Variants in HPSE2 observed in about 807,000 individuals in gnomAD.
HPSE2 encodes heparanase 2 (inactive).
HPSE2 carries 38 observed loss-of-function variants against 60.5 expected under a neutral mutation model. That is an observed-to-expected ratio of 0.63 (90% CI 0.48 to 0.82). The LOEUF is 0.82. HPSE2 is among the 40% of genes least tolerant of loss of function. The pLI, the probability that HPSE2 is intolerant of heterozygous loss-of-function variation, is 0.00. For synonymous variants in HPSE2, 295 were observed against 293.2 expected (o/e 1.01, Z -0.06); for missense variants, 713 against 740.4 (o/e 0.96, Z 0.43).
intron 3 of HPSE2, among the ~76,000 whole-genome samples, chr10:98,834,138 G>A (rs1013208029): frequency 2.0e-5 from 3 of 152,088 alleles, no homozygotes; most frequent in African/African-American, 7.2e-5. Context: ...ATGCCAAATT[G>A]TGAAGAAATG....
intron 3 of HPSE2, among the ~76,000 whole-genome samples, chr10:98,840,550 A>G (rs1025720323): frequency 6.6e-6 from 1 of 152,194 alleles, no homozygotes; most frequent in Non-Finnish European, 1.5e-5. Flanking sequence ...ACAGCAGGGA[A>G]GCGGGAAAAG....
intron 9 of HPSE2, among the ~76,000 whole-genome samples, chr10:98,573,902 A>G (rs1007316654): frequency 3.3e-5 from 5 of 152,104 alleles, no homozygotes; most frequent in African/African-American, 9.7e-5. Flanking sequence ...TATAATTCAC[A>G]TTCCATGTAA....
At chr10:98,618,196 G>C (rs755740291) in intron 8 of HPSE2, among the ~76,000 whole-genome samples, 16 of 152,140 alleles carry the variant, frequency 1.1e-4, no homozygotes, top group Non-Finnish European at 1.8e-4. Context: ...CATCAGATCT[G>C]TGTCAACTAA....
chr10:98,697,518 A>G (rs10883165), intron 5 of HPSE2, among the ~76,000 whole-genome samples: 89,649 of 151,710 alleles, frequency 0.59, 27,000 homozygotes, highest in South Asian at 0.78. Flanking sequence ...TAAAAAGACC[A>G]AACATATGAC....
the HPSE2 span, among the ~76,000 whole-genome samples, chr10:99,305,961 A>ATAAGCGCGCG: frequency 1.3e-4 from 13 of 103,062 alleles, 1 homozygote; most frequent in East Asian, 6.1e-4. Context: ...ACTCACACAC[A>ATAAGCGCGCG]CGCGCGCGCG....
intron 5 of HPSE2, among the ~76,000 whole-genome samples, chr10:98,701,788 G>C (rs980387757): frequency 6.6e-6 from 1 of 151,932 alleles, no homozygotes; most frequent in Non-Finnish European, 1.5e-5. Context: ...AGCCTGCCTT[G>C]CAAGAGCTCC....
chr10:99,100,421 G>A (rs1381662869), intron 3 of HPSE2, among the ~76,000 whole-genome samples: 1 of 152,152 alleles, frequency 6.6e-6, no homozygotes, highest in Non-Finnish European at 1.5e-5. Context: ...ATGAAATGAA[G>A]TGAGAAGAGA....
At chr10:98,695,922 G>A (rs1948200028) in intron 5 of HPSE2, among the ~76,000 whole-genome samples, 2 of 152,050 alleles carry the variant, frequency 1.3e-5, no homozygotes, top group Admixed American at 1.3e-4. Context: ...CACACAACCA[G>A]CTCTTAAATG....
chr10:98,877,285 T>A lies in HPSE2; in HGVS notation c.611-133229A>T, dbSNP rs189428361. Among the ~76,000 whole-genome samples the A allele has an allele frequency of 6.6e-5, 10 of 151,998 alleles. No homozygotes were observed. In the East Asian group the frequency reaches 1.9e-3, roughly 29 times the overall value. ...AATATATGCTTCCTATCACCATGAC[T>A]TTTATTTTAAATTTCTATTTTAATA... On this transcript the variant is annotated intron_variant, in intron 3 of 11. Coordinates refer to ENST00000370552, the MANE Select transcript of HPSE2 (RefSeq NM_021828.5).
chr10:98,933,977 C>T (rs1200251383), intron 3 of HPSE2, among the ~76,000 whole-genome samples: 1 of 143,294 alleles, frequency 7.0e-6, no homozygotes, highest in Non-Finnish European at 1.5e-5. Context: ...TGTGATCTGC[C>T]CACCTCGGCC....
At chr10:99,058,260 G>A (rs1268715472) in intron 3 of HPSE2, among the ~76,000 whole-genome samples, 4 of 152,186 alleles carry the variant, frequency 2.6e-5, no homozygotes, top group Non-Finnish European at 5.9e-5. Context: ...CAGTAGAGAT[G>A]AGAAAAGGGG....
intron 3 of HPSE2, among the ~76,000 whole-genome samples, chr10:99,055,854 C>T (rs547404124): frequency 1.1e-4 from 17 of 152,122 alleles, no homozygotes; most frequent in South Asian, 2.1e-4. Context: ...CAGCTTTAAG[C>T]GCCTATATTA....
chr10:98,781,719 C>A (rs2134454368), intron 3 of HPSE2, among the ~76,000 whole-genome samples: 1 of 151,392 alleles, frequency 6.6e-6, no homozygotes, highest in African/African-American at 2.4e-5. Context: ...AGAGAATGAA[C>A]AATCAGCTTT....
At chr10:99,120,609 G>T (rs747438549) in intron 3 of HPSE2, among the ~76,000 whole-genome samples, 3 of 152,090 alleles carry the variant, frequency 2.0e-5, no homozygotes, top group Non-Finnish European at 4.4e-5. Context: ...GAGTAGCTGG[G>T]ATTACAGGCA....
rs78419540 is a variant in HPSE2 at position 99,213,715 on chromosome 10, G to T, written c.448+18633C>A. On this transcript the variant is annotated intron_variant, in intron 2 of 11. Transcript: ENST00000370552. ...TCAAACTGCCCACCAATGGGCAGAGGTGGGGGAGCATGGATGTGAAATCCT... is the reference window on the plus strand; with the variant it reads ...TCAAACTGCCCACCAATGGGCAGAGTTGGGGGAGCATGGATGTGAAATCCT... 3.0e-3 allele frequency among the ~76,000 whole-genome samples: 451 copies of T among 152,236 alleles called. 2 individuals carry two copies. The highest frequency in any genetic ancestry group is 0.01 in the African/African-American group (432 of 41,536).
chr10:98,853,663 A>G (rs1952237260), intron 3 of HPSE2, among the ~76,000 whole-genome samples: 1 of 152,168 alleles, frequency 6.6e-6, no homozygotes. Context: ...CCACTGTACT[A>G]TTGCATATAT....
intron 4 of HPSE2, among the ~76,000 whole-genome samples, chr10:98,726,829 A>G (rs778714499): frequency 1.3e-5 from 2 of 152,024 alleles, no homozygotes; most frequent in Non-Finnish European, 2.9e-5. Context: ...ACATTTCCAG[A>G]TAAGTGTGAA....
chr10:98,722,548 G>A (rs1948954547), intron 4 of HPSE2, among the ~76,000 whole-genome samples: 2 of 152,064 alleles, frequency 1.3e-5, no homozygotes, highest in South Asian at 4.2e-4. Flanking sequence ...AATACACATG[G>A]TAAGAAGTGA....
chr10:99,098,987 T>A (rs1843829331), intron 3 of HPSE2, among the ~76,000 whole-genome samples: 2 of 152,130 alleles, frequency 1.3e-5, no homozygotes, highest in African/African-American at 2.4e-5. Flanking sequence ...AAAGCTTTGG[T>A]TATATAATAT....
Sources: allele counts gnomAD v4.1 joint callset (sites outside exome capture counted in the v4.1 genomes callset), GRCh38; gene constraint gnomAD v4.1.1; transcripts MANE v1.5; gene names NCBI Gene and HGNC (gene_info 2026-07-23, HGNC 2026-07-21).